PNPLA8: variants seen among roughly 807,000 people sequenced by gnomAD.
PNPLA8 encodes calcium-independent phospholipase A2-gamma.
A neutral mutation model predicts 76.9 loss-of-function variants in PNPLA8; 39 were observed. That is an observed-to-expected ratio of 0.51 (90% CI 0.39 to 0.66). The LOEUF is 0.66. Ranked by LOEUF, PNPLA8 falls within the 30% of genes least tolerant of loss-of-function variation. The pLI is 0.00. For missense variants in PNPLA8, 887 were observed against 918.0 expected (o/e 0.97, Z 0.44); for synonymous variants, 301 against 307.9 (o/e 0.98, Z 0.24).
intron 6 of PNPLA8, among the ~76,000 whole-genome samples, chr7:108,497,274 A>AT (rs1160509316): frequency 6.6e-6 from 1 of 152,192 alleles, no homozygotes; most frequent in African/African-American, 2.4e-5. Context: ...AGCTGATTCC[A>AT]TATCTAGCTA....
chr7:108,476,025 C>A (rs1467508539), intron 10 of PNPLA8, among the ~76,000 whole-genome samples: 1 of 152,150 alleles, frequency 6.6e-6, no homozygotes, highest in East Asian at 1.9e-4. Context: ...GCTGTCTACA[C>A]CAATCAAGTT....
At chr7:108,492,065 A>G (rs1470404270) in intron 7 of PNPLA8, among the ~76,000 whole-genome samples, 1 of 152,248 alleles carries the variant, frequency 6.6e-6, no homozygotes, top group South Asian at 2.1e-4. Context: ...CAATTCCATA[A>G]TAAGAGAATT....
At chr7:108,507,718 A>G (rs1862562647) in intron 4 of PNPLA8, among the ~76,000 whole-genome samples, 1 of 152,188 alleles carries the variant, frequency 6.6e-6, no homozygotes. Flanking sequence ...GTGCAAAAAA[A>G]TTCATTTAAT....
At chr7:108,505,955 T>A (rs1862390332) in intron 4 of PNPLA8, among the ~76,000 whole-genome samples, 1 of 152,136 alleles carries the variant, frequency 6.6e-6, no homozygotes, top group Non-Finnish European at 1.5e-5. Flanking sequence ...AATAGGTACT[T>A]CACAAGGAAG....
At chr7:108,501,005 C>T (rs904393857) in intron 5 of PNPLA8, among the ~76,000 whole-genome samples, 3 of 152,118 alleles carry the variant, frequency 2.0e-5, no homozygotes, top group Admixed American at 2.0e-4. Flanking sequence ...GTACTTATTC[C>T]TTCCTTCATA....
chr7:108,490,385 A>G (rs1164390572), intron 8 of PNPLA8, among the ~76,000 whole-genome samples: 1 of 144,744 alleles, frequency 6.9e-6, no homozygotes, highest in Non-Finnish European at 1.5e-5. Flanking sequence ...TACTTGCACA[A>G]TGACAAAATA....
chr7:108,505,326 A>T (rs1598932475), intron 4 of PNPLA8, among the ~76,000 whole-genome samples: 2 of 5,376 alleles, frequency 3.7e-4, no homozygotes, highest in Non-Finnish European at 6.2e-4. Flanking sequence ...ATATATATAT[A>T]TATATATATA....
At chr7:108,488,703 T>C (rs1273342201) in intron 8 of PNPLA8, among the ~76,000 whole-genome samples, 3 of 152,240 alleles carry the variant, frequency 2.0e-5, no homozygotes, top group Non-Finnish European at 2.9e-5. Flanking sequence ...CACTACACAA[T>C]CAATGCTTTC....
At chr7:108,473,985 C>T (rs1043213398) in intron 10 of PNPLA8, among the ~76,000 whole-genome samples, 58 of 152,012 alleles carry the variant, frequency 3.8e-4, no homozygotes, top group African/African-American at 1.2e-3. Flanking sequence ...AACCACCATA[C>T]CCAGCCTATT....
At chr7:108,527,531 C>T (rs1179513969), upstream of PNPLA8, among the ~76,000 whole-genome samples, 3 of 152,156 alleles carry the variant, frequency 2.0e-5, no homozygotes, top group Non-Finnish European at 4.4e-5. Flanking sequence ...TCAAGGAAGA[C>T]ATTTAGAACT....
At position 108,472,595 on chromosome 7, in the gene PNPLA8, G is replaced by A; in HGVS notation, c.2155C>T (p.Leu719=). 6.2e-7 allele frequency: 1 copy of A among 1,612,596 alleles called. No individual in the cohort carries two copies. Among genetic ancestry groups the A allele is most frequent in the Non-Finnish European group, 8.5e-7 (1 of 1,179,396 alleles). The part of the protein sequence containing the change: ...FNPVMCENIP[L]DESRNEKLDQ... ...AGCTTTTCATTTCGACTTTCATCTA[G>A]AGGTATGTTTTCACACATTACAGGA... The change falls in exon 11 of 11, where the codon CTA becomes TTA. Residue 719 remains leucine (L), a synonymous_variant. Coordinates refer to ENST00000257694, the MANE Select transcript of PNPLA8 (RefSeq NM_001256007.3).
At chr7:108,484,188 C>A (rs924222463) in intron 9 of PNPLA8, among the ~76,000 whole-genome samples, 2 of 152,174 alleles carry the variant, frequency 1.3e-5, no homozygotes, top group Non-Finnish European at 2.9e-5. Context: ...AAGCAAATTT[C>A]TGTTCCTTCA....
At position 108,507,966 on chromosome 7, in the gene PNPLA8, A is replaced by T. The variant is rs1310110037; in HGVS notation, c.1207-5324T>A. 2.4e-5 allele frequency among the ~76,000 whole-genome samples: 3 copies of T among 125,694 alleles called. No individual in the cohort carries two copies. In the East Asian group the frequency reaches 6.8e-4, roughly 29 times the overall value. The allele number at this position is 125,694 out of a possible 152,430, so 82.5% of individuals were successfully genotyped here. A position where few individuals can be genotyped will look rare whatever the true frequency, so the allele number is the denominator to read the frequency against. On this transcript the variant is annotated intron_variant, in intron 4 of 10. Coordinates refer to ENST00000257694, the MANE Select transcript of PNPLA8 (RefSeq NM_001256007.3). ...AGATGCAGAAAAAGCCTTTGACAAA[A>T]TTCAACAACCCTTCATGCTAAAAAC...
intron 4 of PNPLA8, among the ~76,000 whole-genome samples, chr7:108,506,091 A>T (rs1357022764): frequency 6.6e-6 from 1 of 152,162 alleles, no homozygotes; most frequent in Non-Finnish European, 1.5e-5. Context: ...AAAAAGATTT[A>T]AAAAGGTTGG....
At chr7:108,491,327 A>T in intron 8 of PNPLA8, 83 bp downstream of exon 8, 1 of 818,972 alleles carries the variant, frequency 1.2e-6, no homozygotes, top group Non-Finnish European at 2.1e-6. Context: ...AAATAAAATA[A>T]AATAAAATGG....
chr7:108,503,734 T>C (rs181697009), intron 4 of PNPLA8, among the ~76,000 whole-genome samples: 3 of 152,302 alleles, frequency 2.0e-5, no homozygotes, highest in East Asian at 3.9e-4. Flanking sequence ...ATAGCTTTTC[T>C]TCCCTTGAGG....
Position 108,491,433 on chromosome 7 carries a change from C to A in PNPLA8, c.1660G>T (p.Ala554Ser). The A allele has an allele frequency of 6.2e-7, 1 of 1,605,790 alleles. No individual in the cohort carries two copies. The highest frequency in any genetic ancestry group is 8.5e-7 in the Non-Finnish European group (1 of 1,172,364). Residue 554 changes from alanine (A) to serine (S), a missense_variant, in exon 8 of 11, where the codon GCA becomes TCA. Coordinates refer to ENST00000257694, the MANE Select transcript of PNPLA8 (RefSeq NM_001256007.3). ...RMGSALMIET[A>S]RNPTCPKVAA... Reference sequence around the variant, plus strand: ...ACCTTAGGACATGTGGGGTTTCTTGCTGTTTCAATCATCAGTGCAGATCCC... The same window carrying A: ...ACCTTAGGACATGTGGGGTTTCTTGATGTTTCAATCATCAGTGCAGATCCC...
intron 8 of PNPLA8, among the ~76,000 whole-genome samples, chr7:108,488,690 T>C (rs1215469301): frequency 6.6e-6 from 1 of 152,258 alleles, no homozygotes; most frequent in African/African-American, 2.4e-5. Flanking sequence ...CTCTGAAATG[T>C]AACACTACAC....
chr7:108,480,697 G>A, intron 9 of PNPLA8: 1 of 414,982 alleles, frequency 2.4e-6, no homozygotes, highest in Non-Finnish European at 5.0e-6. Context: ...GTAATATGGT[G>A]CATACAACCT....
Sources: allele counts gnomAD v4.1 joint callset (sites outside exome capture counted in the v4.1 genomes callset), GRCh38; gene constraint gnomAD v4.1.1; transcripts MANE v1.5; gene names NCBI Gene and HGNC (gene_info 2026-07-23, HGNC 2026-07-21).